Variants in GRIP1 observed in about 807,000 individuals in gnomAD.
GRIP1 encodes glutamate receptor interacting protein 1.
A neutral mutation model predicts 129.9 loss-of-function variants in GRIP1; 45 were observed. The observed-to-expected ratio is 0.35, with a 90% CI of 0.27 to 0.44. GRIP1 has a LOEUF of 0.44. Ranked by LOEUF, GRIP1 falls within the 20% of genes least tolerant of loss-of-function variation. The probability of loss-of-function intolerance (pLI) is 1.00; values close to 1 mark genes in which losing one functional copy is unlikely to be tolerated. For synonymous variants in GRIP1, 530 were observed against 520.8 expected (o/e 1.02, Z -0.24); for missense variants, 1,196 against 1,396.8 (o/e 0.86, Z 2.29).
chr12:66,776,742 C>T (rs1480025), intron 1 of GRIP1, among the ~76,000 whole-genome samples: 152,197 of 152,274 alleles, frequency 1, 76,060 homozygotes, highest in Middle Eastern at 1. Flanking sequence ...CTCAAAGTGA[C>T]GCCAATAAGA....
intron 1 of GRIP1, among the ~76,000 whole-genome samples, chr12:66,697,077 G>C (rs372914281): frequency 6.6e-6 from 1 of 151,940 alleles, no homozygotes; most frequent in Non-Finnish European, 1.5e-5. Flanking sequence ...ACATATAGCA[G>C]GTGCTTTATA....
At chr12:66,799,433 T>C (rs1429027325) in intron 1 of GRIP1, among the ~76,000 whole-genome samples, 1 of 152,180 alleles carries the variant, frequency 6.6e-6, no homozygotes, top group Non-Finnish European at 1.5e-5. Flanking sequence ...CATTCAGGAT[T>C]TCACATCCAA....
chr12:66,543,165 G>A (rs920013762), intron 2 of GRIP1, among the ~76,000 whole-genome samples: 2 of 152,152 alleles, frequency 1.3e-5, no homozygotes, highest in Non-Finnish European at 2.9e-5. Context: ...CTTGGGGGAA[G>A]AAGGCTGGGG....
intron 1 of GRIP1, among the ~76,000 whole-genome samples, chr12:66,822,111 G>A (rs1223110386): frequency 6.6e-6 from 1 of 152,128 alleles, no homozygotes; most frequent in African/African-American, 2.4e-5. Flanking sequence ...GGTGAGCTAG[G>A]AAGAAAGGAA....
intron 1 of GRIP1, among the ~76,000 whole-genome samples, chr12:67,032,183 T>C (rs2043032373): frequency 6.6e-6 from 1 of 152,252 alleles, no homozygotes; most frequent in Non-Finnish European, 1.5e-5. Context: ...TGCAGGCTTT[T>C]TGAAGACAGG....
At chr12:67,024,790 C>T (rs1187005450) in intron 1 of GRIP1, among the ~76,000 whole-genome samples, 2 of 152,052 alleles carry the variant, frequency 1.3e-5, no homozygotes, top group Non-Finnish European at 2.9e-5. Flanking sequence ...AAAAGATATA[C>T]ACACACATAT....
upstream of GRIP1, among the ~76,000 whole-genome samples, chr12:66,679,363 T>C (rs2034488138): frequency 6.9e-6 from 1 of 144,990 alleles, no homozygotes; most frequent in South Asian, 2.1e-4. Context: ...TCTCATTTAA[T>C]GGGAAATGCA....
At chr12:66,966,677 G>T (rs951805935) in intron 1 of GRIP1, among the ~76,000 whole-genome samples, 1 of 152,094 alleles carries the variant, frequency 6.6e-6, no homozygotes, top group Non-Finnish European at 1.5e-5. Context: ...TTTGTAAAAT[G>T]CCATCAATTA....
intron 2 of GRIP1, among the ~76,000 whole-genome samples, chr12:66,572,033 A>G (rs937521346): frequency 2.0e-5 from 3 of 152,170 alleles, no homozygotes. Flanking sequence ...TCAGGCCTAA[A>G]AAAACCCCAC....
intron 1 of GRIP1, among the ~76,000 whole-genome samples, chr12:66,891,688 T>A (rs2040661327): frequency 6.6e-6 from 1 of 152,100 alleles, no homozygotes; most frequent in African/African-American, 2.4e-5. Flanking sequence ...ATTAAATCAG[T>A]AGGAAGAAAA....
intron 1 of GRIP1, among the ~76,000 whole-genome samples, chr12:66,899,632 T>C (rs1436834876): frequency 1.3e-5 from 2 of 152,130 alleles, no homozygotes; most frequent in Admixed American, 6.6e-5. Context: ...CCCAAAGCAC[T>C]GGGATTACAA....
chr12:66,376,835 G>C (rs556109797), intron 22 of GRIP1, among the ~76,000 whole-genome samples, 182 bp downstream of exon 22: 254 of 152,312 alleles, frequency 1.7e-3, no homozygotes, highest in African/African-American at 5.3e-3. Context: ...CGATTTGGTA[G>C]GAAACAGATA....
upstream of GRIP1, among the ~76,000 whole-genome samples, chr12:66,681,670 A>G (rs2034589309): frequency 6.6e-6 from 1 of 152,170 alleles, no homozygotes; most frequent in South Asian, 2.1e-4. Context: ...GGTTATGGAA[A>G]AAGAAGGCAG....
chr12:66,767,065 C>A (rs1460235884), intron 1 of GRIP1, among the ~76,000 whole-genome samples: 3 of 152,116 alleles, frequency 2.0e-5, no homozygotes, highest in Non-Finnish European at 4.4e-5. Context: ...TATATAAAAT[C>A]TGAAATGATT....
intron 1 of GRIP1, among the ~76,000 whole-genome samples, chr12:67,042,818 A>C (rs2043199257): frequency 6.6e-6 from 1 of 152,182 alleles, no homozygotes; most frequent in Admixed American, 6.5e-5. Flanking sequence ...GCAAAGCCAG[A>C]GCAGTGGGAG....
intron 1 of GRIP1, among the ~76,000 whole-genome samples, chr12:66,811,302 TCTGA>T (rs768526712): frequency 1.2e-4 from 18 of 152,340 alleles, no homozygotes; most frequent in Admixed American, 3.3e-4. Flanking sequence ...AGTGTGCCGT[TCTGA>T]CTATTATAAG....
intron 1 of GRIP1, among the ~76,000 whole-genome samples, chr12:66,648,235 C>T (rs2032523276): frequency 6.6e-6 from 1 of 152,154 alleles, no homozygotes; most frequent in Admixed American, 6.5e-5. Flanking sequence ...CTGGTTGGTG[C>T]CTGGCCATAT....
At chr12:66,744,198 C>A (rs116093327) in intron 1 of GRIP1, among the ~76,000 whole-genome samples, 8,025 of 152,054 alleles carry the variant, frequency 0.053, 361 homozygotes, top group African/African-American at 0.12. Context: ...AGTAATAAAA[C>A]ATTGCCTAAA....
chr12:66,756,021 T>A (rs759314323), intron 1 of GRIP1, among the ~76,000 whole-genome samples: 1 of 152,118 alleles, frequency 6.6e-6, no homozygotes, highest in Non-Finnish European at 1.5e-5. Flanking sequence ...CCTTCCCCCA[T>A]CCTTTTAAAA....
Sources: gnomAD v4.1 joint callset for allele counts (sites outside exome capture counted in the v4.1 genomes callset) on GRCh38, gnomAD v4.1.1 for gene constraint, MANE v1.5 for transcripts, NCBI Gene and HGNC (gene_info 2026-07-23, HGNC 2026-07-21) for gene names.